The following ANKFY1 variants were observed in gnomAD, a reference collection of about 807,000 sequenced individuals.
ANKFY1 encodes ankyrin repeat and FYVE domain containing 1, also known as ankyrin repeat and FYVE domain-containing protein 1.
ANKFY1 carries 47 observed loss-of-function variants against 128.3 expected under a neutral mutation model. That is an observed-to-expected ratio of 0.37 (90% CI 0.29 to 0.47). The LOEUF (loss-of-function observed/expected upper bound fraction) is 0.47. Ranked by LOEUF, ANKFY1 falls within the 20% of genes least tolerant of loss-of-function variation. The pLI is 1.00. For missense variants in ANKFY1, 1,222 were observed against 1,510.6 expected, an observed-to-expected ratio of 0.81 and a Z score of 3.17; for synonymous variants, 553 against 601.6, an observed-to-expected ratio of 0.92 and a Z score of 1.18.
intron 1 of ANKFY1, among the ~76,000 whole-genome samples, chr17:4,243,051 CTT>C (rs958951264): frequency 1.3e-5 from 2 of 150,048 alleles, no homozygotes; most frequent in Non-Finnish European, 3.0e-5. Flanking sequence ...ATCTCTCTCT[CTT>C]TTTTTGTTTT....
intron 10 of ANKFY1, among the ~76,000 whole-genome samples, chr17:4,190,157 G>A (rs2059691943): frequency 6.6e-6 from 1 of 152,176 alleles, no homozygotes; most frequent in South Asian, 2.1e-4. Flanking sequence ...GTCTGTAGAT[G>A]TTGGCCAGTG....
chr17:4,213,630 G>A (rs2060173538), intron 4 of ANKFY1, among the ~76,000 whole-genome samples: 1 of 146,874 alleles, frequency 6.8e-6, no homozygotes, highest in South Asian at 2.2e-4. Flanking sequence ...GCAGTGGTAC[G>A]ATCTCGGCTC....
Position 4,209,962 on chromosome 17 carries a change from T to A in ANKFY1, c.459-15A>T. 6.2e-7 allele frequency: 1 copy of A among 1,604,166 alleles called. No individual in the cohort carries two copies. Among genetic ancestry groups the A allele is most frequent in the Non-Finnish European group, 8.5e-7 (1 of 1,171,854 alleles). Reference sequence around the variant, plus strand: ...CCTTCTCACATCTGTAAGAGAGTATTCATCATGAGGAGTATTACTGGACAA... The same window carrying A: ...CCTTCTCACATCTGTAAGAGAGTATACATCATGAGGAGTATTACTGGACAA... On this transcript the variant is annotated splice_polypyrimidine_tract_variant and intron_variant, in intron 4 of 24. Coordinates refer to ENST00000341657, the MANE Select transcript of ANKFY1 (RefSeq NM_001330063.2).
intron 1 of ANKFY1, among the ~76,000 whole-genome samples, chr17:4,247,910 G>A (rs1166776725): frequency 6.6e-6 from 1 of 152,172 alleles, no homozygotes; most frequent in East Asian, 1.9e-4. Flanking sequence ...GCAGTAGGTG[G>A]TCAAAATATA....
intron 19 of ANKFY1, among the ~76,000 whole-genome samples, chr17:4,174,426 T>C (rs149439522): frequency 6.6e-6 from 1 of 152,194 alleles, no homozygotes; most frequent in African/African-American, 2.4e-5. Flanking sequence ...TTGTAAAAAA[T>C]TGTAATAGGT....
chr17:4,183,381 G>A lies in ANKFY1; in HGVS notation c.1952+17C>T, dbSNP rs1212664740. 6.2e-7 allele frequency: 1 copy of A among 1,611,846 alleles called. No homozygotes were observed. The highest frequency in any genetic ancestry group is 1.1e-5 in the South Asian group (1 of 91,060). ...ATTGTTACCTGGTGTTAGGTGGAGA[G>A]AGCGGCTTCCTCCTACCTGACATTT... On this transcript the variant is annotated intron_variant, in intron 14 of 24. Coordinates refer to ENST00000341657, the MANE Select transcript of ANKFY1 (RefSeq NM_001330063.2).
intron 1 of ANKFY1, among the ~76,000 whole-genome samples, chr17:4,254,159 C>A: frequency 6.6e-6 from 1 of 152,038 alleles, no homozygotes; most frequent in Non-Finnish European, 1.5e-5. Flanking sequence ...CAAAAATTAG[C>A]CAGGTGTGGT....
chr17:4,204,146 C>T (rs2059982648), intron 7 of ANKFY1, among the ~76,000 whole-genome samples: 1 of 152,176 alleles, frequency 6.6e-6, no homozygotes, highest in Non-Finnish European at 1.5e-5. Flanking sequence ...ATATTAAAGA[C>T]TTTCACTCTT....
chr17:4,256,222 A>G (rs1968110717), intron 1 of ANKFY1, among the ~76,000 whole-genome samples: 1 of 152,030 alleles, frequency 6.6e-6, no homozygotes, highest in African/African-American at 2.4e-5. Context: ...AACTGAGGAG[A>G]TCGAGACCAT....
At chr17:4,235,962 G>A in intron 2 of ANKFY1, 72 bp from the exon 3 acceptor site, 1 of 1,068,860 alleles carries the variant, frequency 9.4e-7, no homozygotes, top group Non-Finnish European at 1.4e-6. Context: ...ATTCACAGCT[G>A]ATAAACACAT....
Position 4,181,502 on chromosome 17 carries a change from T to C in ANKFY1, c.2122-130A>G. ...GATACGGTTGATAATAAATTGATAA[T>C]TACTTTAATCTGTATCACTCATTAT... is the stretch of plus-strand genomic sequence containing the variant. On this transcript the variant is annotated intron_variant, in intron 15 of 24. Transcript: ENST00000341657. This position sits in a 1 kb window ranked among gnomAD's most constrained non-coding sequence, Gnocchi z 4.9. The C allele has an allele frequency of 1.5e-6, 1 of 680,736 alleles. No individual in the cohort carries two copies. Among genetic ancestry groups the C allele is most frequent in the Non-Finnish European group, 2.6e-6 (1 of 387,810 alleles). 42.2% of individuals were successfully genotyped at this position (680,736 alleles called of 1,614,324 possible). A position where few individuals can be genotyped will look rare whatever the true frequency, so the allele number is the denominator to read the frequency against.
At chr17:4,185,779 G>T (rs185712499) in intron 11 of ANKFY1, among the ~76,000 whole-genome samples, 1 of 151,792 alleles carries the variant, frequency 6.6e-6, no homozygotes, top group Non-Finnish European at 1.5e-5. Context: ...TGCTTATCAC[G>T]ACAGAACAAT....
rs767092292 is a variant in ANKFY1 at position 4,167,736 on chromosome 17, G to A, written c.*43C>T. The stretch of plus-strand genomic sequence containing the variant: ...AGGCTGGTGAGCAGAGCAGCTGCTG[G>A]GGAGGTGACCAAGGACGTGGCCTGG... On this transcript the variant is annotated 3_prime_UTR_variant, in exon 25 of 25. Coordinates refer to ENST00000341657, the MANE Select transcript of ANKFY1 (RefSeq NM_001330063.2). This position sits in a 1 kb window ranked among gnomAD's most constrained non-coding sequence, Gnocchi z 4.1. The A allele has an allele frequency of 4.3e-5, 68 of 1,571,680 alleles. No individual in the cohort carries two copies. The highest frequency in any genetic ancestry group is 5.7e-5 in the Non-Finnish European group (66 of 1,155,442).
chr17:4,239,942 T>C (rs1598131298), intron 2 of ANKFY1, among the ~76,000 whole-genome samples: 1 of 152,210 alleles, frequency 6.6e-6, no homozygotes, highest in African/African-American at 2.4e-5. Flanking sequence ...TCTGTGTTTC[T>C]TTGCCACATC....
At chr17:4,217,289 C>CAAAG (rs1213433305) in intron 3 of ANKFY1, among the ~76,000 whole-genome samples, 171 bp from the exon 4 acceptor site, 2 of 152,216 alleles carry the variant, frequency 1.3e-5, no homozygotes, top group Admixed American at 6.5e-5. Context: ...TGGCTCACGC[C>CAAAG]TGTAATCCCA....
rs2059425010 is a variant in ANKFY1 at position 4,177,210 on chromosome 17, C to G, written c.2691G>C (p.Val897=). ...TGGAGGCATCCTGGACTCTTGAATT[C>G]ACATTAGCGTGGACACTGATCAGGA... ...VLFLISVHAN[V]NSRVQDASKL... Residue 897 remains valine, a synonymous_variant, in exon 19 of 25, where the codon GTG becomes GTC. Transcript: ENST00000341657. 1.2e-6 allele frequency: 2 copies of G among 1,609,556 alleles called. No individual in the cohort carries two copies. Among genetic ancestry groups the G allele is most frequent in the South Asian group, 2.2e-5 (2 of 89,732 alleles).
At chr17:4,209,028 C>T (rs958179342) in intron 5 of ANKFY1, among the ~76,000 whole-genome samples, 5 of 151,082 alleles carry the variant, frequency 3.3e-5, no homozygotes, top group Non-Finnish European at 7.4e-5. Flanking sequence ...CATTGCACTC[C>T]AGCCTGGGCA....
chr17:4,196,019 A>ACC (rs2059813228), intron 8 of ANKFY1, among the ~76,000 whole-genome samples: 1 of 44,304 alleles, frequency 2.3e-5, no homozygotes, highest in Non-Finnish European at 4.3e-5. Context: ...GGCTGCACCT[A>ACC]CCCACCCACC....
At chr17:4,196,019 A>AC (rs2059813228) in intron 8 of ANKFY1, among the ~76,000 whole-genome samples, 4 of 44,298 alleles carry the variant, frequency 9.0e-5, no homozygotes, top group Non-Finnish European at 1.7e-4. Context: ...GGCTGCACCT[A>AC]CCCACCCACC....
Sources: allele counts gnomAD v4.1 joint callset (sites outside exome capture counted in the v4.1 genomes callset), GRCh38; gene constraint gnomAD v4.1.1; non-coding constraint Gnocchi (gnomAD v3.1); transcripts MANE v1.5; gene names NCBI Gene and HGNC (gene_info 2026-07-23, HGNC 2026-07-21).